PAIP1: variants seen among roughly 807,000 people sequenced by gnomAD.
PAIP1 encodes polyadenylate-binding protein-interacting protein 1.
A neutral mutation model predicts 61.3 loss-of-function variants in PAIP1; 16 were observed. The ratio of observed to expected loss-of-function variants is 0.26; its 90% CI spans 0.18 to 0.40. PAIP1 has a LOEUF of 0.40. PAIP1 is among the 10% of genes least tolerant of loss of function. The pLI is 1.00. For missense variants in PAIP1, 416 were observed against 600.9 expected (o/e 0.69, Z 3.22); for synonymous variants, 187 against 226.2 (o/e 0.83, Z 1.56).
chr5:43,547,879 G>A lies in PAIP1; in HGVS notation c.470C>T (p.Thr157Ile). The A allele has an allele frequency of 1.1e-5, 18 of 1,612,000 alleles. No individual in the cohort carries two copies. Among genetic ancestry groups the A allele is most frequent in the East Asian group, 2.2e-5 (1 of 44,860 alleles). Residue 157 changes from threonine to isoleucine, a missense_variant, in exon 3 of 11, where the codon ACT becomes ATT. Coordinates refer to ENST00000306846, the MANE Select transcript of PAIP1 (RefSeq NM_006451.5). ...AAAATCCTGAACATATTCTGATAGA[G>A]TAGGATAATCCTCACAACCATCCTC... ...SYEDGCEDYP[T>I]LSEYVQDFLN...
chr5:43,544,146 TAAAAAAAAA>T (rs568177939), intron 3 of PAIP1, among the ~76,000 whole-genome samples: 3 of 72,684 alleles, frequency 4.1e-5, no homozygotes, highest in Admixed American at 1.9e-4. Context: ...CCCATCTTTT[TAAAAAAAAA>T]AAAAAAAAAA....
At chr5:43,535,687 T>C (rs750295122) in intron 6 of PAIP1, 47 bp from the exon 7 acceptor site, 5 of 1,028,734 alleles carry the variant, frequency 4.9e-6, no homozygotes, top group Admixed American at 1.9e-5. Context: ...TAGTGTATTA[T>C]AGAAATTCTA....
chr5:43,531,078 G>A (rs1205045657), intron 9 of PAIP1, among the ~76,000 whole-genome samples: 1 of 152,080 alleles, frequency 6.6e-6, no homozygotes, highest in Non-Finnish European at 1.5e-5. Flanking sequence ...CAGGAAGCTT[G>A]GTCATGTCTG....
intron 4 of PAIP1, among the ~76,000 whole-genome samples, chr5:43,540,410 A>G (rs6897604): frequency 0.018 from 2,727 of 152,254 alleles, 87 homozygotes; most frequent in African/African-American, 0.058. Context: ...ATAAAATGCT[A>G]TGACAGACTG....
chr5:43,537,232 C>CT (rs1225154276), intron 5 of PAIP1, among the ~76,000 whole-genome samples: 3 of 152,000 alleles, frequency 2.0e-5, no homozygotes, highest in South Asian at 2.1e-4. Context: ...TCAACTACCA[C>CT]TTTTTTTTGA....
rs747223038 is a variant in PAIP1, at chr5:43,555,813, A to G, written c.435+17T>C. The G allele has an allele frequency of 3.8e-6, 6 of 1,581,944 alleles. No individual in the cohort carries two copies. The highest frequency in any genetic ancestry group is 8.6e-7 in the Non-Finnish European group (1 of 1,160,180). ...CAGTAAATTAACCCAGAGTTGTAGG[A>G]AAAAGGGTGTACTTACTGTGTAACT... On this transcript the variant is annotated intron_variant, in intron 2 of 10. Transcript: ENST00000306846.
At chr5:43,531,221 C>T (rs900900360) in intron 9 of PAIP1, among the ~76,000 whole-genome samples, 2 of 151,220 alleles carry the variant, frequency 1.3e-5, no homozygotes, top group Non-Finnish European at 2.9e-5. Flanking sequence ...AAAATTTGTC[C>T]AAGTCAGTGA....
chr5:43,544,475 A>C (rs1418293269), intron 3 of PAIP1, among the ~76,000 whole-genome samples: 1 of 152,174 alleles, frequency 6.6e-6, no homozygotes, highest in Admixed American at 6.5e-5. Context: ...AAGTTCTATA[A>C]GGCTTGTCAT....
chr5:43,552,517 C>G lies in PAIP1; in HGVS notation c.435+3313G>C, dbSNP rs75975181. Among the ~76,000 whole-genome samples the G allele has an allele frequency of 1.0e-3, 159 of 152,214 alleles. 5 individuals are homozygous for G. In the East Asian group the frequency reaches 0.03, roughly 28 times the overall value. On this transcript the variant is annotated intron_variant, in intron 2 of 10. Coordinates refer to ENST00000306846, the MANE Select transcript of PAIP1 (RefSeq NM_006451.5). ...AATAAAATGGAAGAAAGAACGTCAC[C>G]AACTGTCATCTGAGGGGAAAAGGAA... is the stretch of plus-strand genomic sequence containing the variant.
intron 9 of PAIP1, 128 bp from the exon 10 acceptor site, chr5:43,530,007 A>G: frequency 1.6e-6 from 1 of 620,316 alleles, no homozygotes; most frequent in South Asian, 1.9e-5. Context: ...TAAAGTAATT[A>G]CATATAGTAC....
rs1339777441 is a variant in PAIP1, at chr5:43,555,836, A to C, written c.429T>G (p.Ser143Arg). The change falls in exon 2 of 11, where the codon AGT (serine) becomes AGG (arginine). Residue 143 changes from serine (S) to arginine (R), a missense_variant. Ser to Arg is a moderately radical substitution (Grantham distance 110). Transcript: ENST00000306846. Reference sequence around the variant, plus strand: ...GGAAAAAGGGTGTACTTACTGTGTAACTGGAAGAATAACCTGAAGGGTAAA... The same window carrying C: ...GGAAAAAGGGTGTACTTACTGTGTACCTGGAAGAATAACCTGAAGGGTAAA... Reference protein sequence around the residue: ...PEFYPSGYSSSYTESYEDGCE... With the variant: ...PEFYPSGYSSRYTESYEDGCE... The C allele has an allele frequency of 6.2e-7, 1 of 1,609,936 alleles. No homozygotes were observed. The highest frequency in any genetic ancestry group is 8.5e-7 in the Non-Finnish European group (1 of 1,178,626).
chr5:43,548,698 C>T (rs369367135), intron 2 of PAIP1, among the ~76,000 whole-genome samples: 10 of 152,262 alleles, frequency 6.6e-5, no homozygotes, highest in African/African-American at 1.9e-4. Context: ...ATCTCAATGC[C>T]TGGAATACCA....
In PAIP1 at chr5:43,555,898, C is replaced by G; in HGVS notation, c.367G>C (p.Val123Leu). The G allele has an allele frequency of 6.2e-7, 1 of 1,613,922 alleles. No individual in the cohort carries two copies. The highest frequency in any genetic ancestry group is 1.3e-5 in the African/African-American group (1 of 75,024). The change falls in exon 2 of 11, where the codon GTA (valine) becomes CTA (leucine). Residue 123 changes from valine (V) to leucine (L), a missense_variant. By Grantham distance (32) the Val-to-Leu change is conservative. This residue lies in a region of PAIP1 where 180 missense variants were observed against 211.2 expected (regional missense o/e 0.85). Coordinates refer to ENST00000306846, the MANE Select transcript of PAIP1 (RefSeq NM_006451.5). The stretch of plus-strand genomic sequence containing the variant: ...TTCACAGACAGCTTAGACATTAATA[C>G]AGGAGCTACAACCACCTGGGGCTTA... ...MAKPQVVVAP[V>L]LMSKLSVNAP...
intron 10 of PAIP1, among the ~76,000 whole-genome samples, chr5:43,528,822 A>T (rs1000917454): frequency 2.0e-5 from 3 of 152,164 alleles, no homozygotes; most frequent in African/African-American, 7.2e-5. Context: ...AGCCTGTCCA[A>T]ATATACACAA....
chr5:43,528,422 C>T (rs143169891), intron 10 of PAIP1, among the ~76,000 whole-genome samples: 63 of 152,208 alleles, frequency 4.1e-4, no homozygotes, highest in African/African-American at 1.5e-3. Flanking sequence ...TCCCCATTTC[C>T]AATACAGGGC....
chr5:43,553,504 G>A (rs1747944106), intron 2 of PAIP1, among the ~76,000 whole-genome samples: 1 of 152,184 alleles, frequency 6.6e-6, no homozygotes, highest in Non-Finnish European at 1.5e-5. Flanking sequence ...ACCGGTGCTT[G>A]ACTCATGATA....
intron 5 of PAIP1, among the ~76,000 whole-genome samples, chr5:43,538,223 G>A (rs1280051040): frequency 6.6e-6 from 1 of 152,064 alleles, no homozygotes; most frequent in African/African-American, 2.4e-5. Context: ...GTATTGGGGA[G>A]ATGTTGGTCA....
At chr5:43,549,876 A>G (rs376512720) in intron 2 of PAIP1, among the ~76,000 whole-genome samples, 2 of 152,062 alleles carry the variant, frequency 1.3e-5, no homozygotes, top group East Asian at 3.9e-4. Flanking sequence ...ATGTACCACC[A>G]GGCCCAGCTA....
At chr5:43,556,349 C>A (rs1748072174) in intron 1 of PAIP1, 3 of 1,235,432 alleles carry the variant, frequency 2.4e-6, no homozygotes, top group Non-Finnish European at 3.0e-6. Context: ...ACCCCGAACT[C>A]CGAGACCGCG....
Sources: gnomAD v4.1 joint callset for allele counts (sites outside exome capture counted in the v4.1 genomes callset) on GRCh38, gnomAD v4.1.1 for gene constraint, gnomAD v4.1.1 regional missense constraint, MANE v1.5 for transcripts, NCBI Gene and HGNC (gene_info 2026-07-23, HGNC 2026-07-21) for gene names.